The following MAGI1 variants were observed in gnomAD, a reference collection of about 807,000 sequenced individuals.
MAGI1 encodes membrane associated guanylate kinase, WW and PDZ domain containing 1.
In MAGI1, 58 loss-of-function variants were observed where a neutral mutation model predicts 139.9. The ratio of observed to expected loss-of-function variants is 0.41; its 90% CI spans 0.34 to 0.52. The LOEUF is 0.52. MAGI1 is among the 20% of genes least tolerant of loss of function. MAGI1 has a pLI of 0.12. For missense variants in MAGI1, 1,874 were observed against 1,901.6 expected (o/e 0.99, Z 0.27); for synonymous variants, 812 against 737.9 (o/e 1.10, Z -1.63).
At chr3:65,961,604 C>T (rs28700575) in intron 1 of MAGI1, among the ~76,000 whole-genome samples, 1,560 of 152,224 alleles carry the variant, frequency 0.01, 25 homozygotes, top group African/African-American at 0.036. Context: ...TAAAATGAAG[C>T]CCTCTTGGAG....
At chr3:65,585,402 A>C (rs2081625374) in intron 2 of MAGI1, among the ~76,000 whole-genome samples, 1 of 152,258 alleles carries the variant, frequency 6.6e-6, no homozygotes, top group African/African-American at 2.4e-5. Context: ...ATGGCAAATA[A>C]GCAGATGAAA....
chr3:66,029,863 A>T (rs1421806983), intron 1 of MAGI1, among the ~76,000 whole-genome samples: 1 of 152,148 alleles, frequency 6.6e-6, no homozygotes, highest in Non-Finnish European at 1.5e-5. Context: ...CCCTAACTCG[A>T]CAAGATCTTC....
At chr3:65,576,909 T>C (rs57683348) in intron 2 of MAGI1, among the ~76,000 whole-genome samples, 57,048 of 152,072 alleles carry the variant, frequency 0.38, 12,097 homozygotes, top group East Asian at 0.62. Flanking sequence ...CCCTGGGATG[T>C]AGACTCCACA....
chr3:65,764,025 C>A (rs1235834582), intron 1 of MAGI1, among the ~76,000 whole-genome samples: 1 of 150,124 alleles, frequency 6.7e-6, no homozygotes, highest in Non-Finnish European at 1.5e-5. Flanking sequence ...TGAGCCAAGA[C>A]CATACCTCTG....
chr3:65,923,140 T>G (rs1048167511), intron 1 of MAGI1, among the ~76,000 whole-genome samples: 1 of 152,036 alleles, frequency 6.6e-6, no homozygotes, highest in African/African-American at 2.4e-5. Flanking sequence ...TTCTTCTATG[T>G]AAGACCTATA....
At chr3:65,562,409 T>G (rs1310901693) in intron 2 of MAGI1, among the ~76,000 whole-genome samples, 2 of 152,222 alleles carry the variant, frequency 1.3e-5, no homozygotes, top group Admixed American at 6.5e-5. Flanking sequence ...ATCTTAGAAT[T>G]GATAAATATA....
chr3:65,603,868 AT>A (rs564947341), intron 2 of MAGI1, among the ~76,000 whole-genome samples: 2 of 152,182 alleles, frequency 1.3e-5, no homozygotes, highest in South Asian at 4.1e-4. Flanking sequence ...GGGTCCTCAC[AT>A]GACAGAAGAC....
chr3:65,688,165 AC>A, intron 1 of MAGI1: 7 of 767,904 alleles, frequency 9.1e-6, no homozygotes, highest in South Asian at 4.0e-5. Context: ...GGTATCACTG[AC>A]CCCCGTGAGA....
chr3:66,031,536 CCA>C (rs1236247948), intron 1 of MAGI1, among the ~76,000 whole-genome samples: 2 of 152,020 alleles, frequency 1.3e-5, no homozygotes, highest in Admixed American at 1.3e-4. Flanking sequence ...CAAGGGGTGG[CCA>C]CTGGAAACGA....
At chr3:65,554,878 A>G (rs1371025828) in intron 2 of MAGI1, among the ~76,000 whole-genome samples, 1 of 152,234 alleles carries the variant, frequency 6.6e-6, no homozygotes, top group Non-Finnish European at 1.5e-5. Context: ...AAGATATGCA[A>G]TGTGAGACAC....
At chr3:65,470,602 C>T (rs752666934) in intron 4 of MAGI1, 118 bp from the exon 5 acceptor site, 21 of 590,732 alleles carry the variant, frequency 3.6e-5, no homozygotes, top group Non-Finnish European at 5.0e-5. Context: ...TTCTTAAATG[C>T]TCTTATCCTT....
chr3:65,440,133 G>A (rs575444858), intron 8 of MAGI1, 121 bp from the exon 9 acceptor site: 112 of 1,095,102 alleles, frequency 1.0e-4, no homozygotes, highest in Middle Eastern at 8.2e-4. Flanking sequence ...GCTAACCCTC[G>A]TGTGTTAAAA....
chr3:65,994,313 G>C (rs898727070), intron 1 of MAGI1, among the ~76,000 whole-genome samples: 2 of 148,480 alleles, frequency 1.3e-5, no homozygotes, highest in African/African-American at 5.0e-5. Flanking sequence ...ACTAAAGCAT[G>C]AAAGTGAGTG....
At chr3:65,735,245 T>C (rs2034613703) in intron 1 of MAGI1, among the ~76,000 whole-genome samples, 1 of 152,150 alleles carries the variant, frequency 6.6e-6, no homozygotes, top group Non-Finnish European at 1.5e-5. Flanking sequence ...CTTTATAGAT[T>C]GCTGTCTGCA....
intron 2 of MAGI1, among the ~76,000 whole-genome samples, chr3:65,500,952 T>C (rs566715152): frequency 1.8e-4 from 27 of 152,188 alleles, no homozygotes; most frequent in Non-Finnish European, 3.2e-4. Context: ...AGAGTATCAG[T>C]TGGATATCCA....
intron 6 of MAGI1, among the ~76,000 whole-genome samples, chr3:65,450,198 C>T (rs1948945398): frequency 6.6e-6 from 1 of 152,124 alleles, no homozygotes; most frequent in Non-Finnish European, 1.5e-5. Context: ...ACACAGGGCT[C>T]AGAGTAGCAA....
intron 5 of MAGI1, among the ~76,000 whole-genome samples, chr3:65,462,669 C>T (rs1949888124): frequency 1.3e-5 from 2 of 152,258 alleles, no homozygotes; most frequent in Non-Finnish European, 2.9e-5. Context: ...TCAATGGTAG[C>T]TTGATGGGGA....
At chr3:65,594,691 G>A (rs1157723842) in intron 2 of MAGI1, among the ~76,000 whole-genome samples, 1 of 151,814 alleles carries the variant, frequency 6.6e-6, no homozygotes, top group Non-Finnish European at 1.5e-5. Context: ...TTTTTCAAAG[G>A]AAAAAACAAA....
chr3:65,739,536 C>A (rs1163389650), intron 1 of MAGI1, among the ~76,000 whole-genome samples: 1 of 152,292 alleles, frequency 6.6e-6, no homozygotes, highest in African/African-American at 2.4e-5. Flanking sequence ...AGCTTTCAGC[C>A]GCTCTCAGCT....
Sources: allele counts gnomAD v4.1 joint callset (sites outside exome capture counted in the v4.1 genomes callset), GRCh38; gene constraint gnomAD v4.1.1; transcripts MANE v1.5; gene names NCBI Gene and HGNC (gene_info 2026-07-23, HGNC 2026-07-21).